Variants in GRM8 observed in about 807,000 individuals in gnomAD.
GRM8 encodes the protein glutamate metabotropic receptor 8, also known as metabotropic glutamate receptor 8.
A neutral mutation model predicts 87.2 loss-of-function variants in GRM8; 47 were observed. The ratio of observed to expected loss-of-function variants is 0.54; its 90% CI spans 0.43 to 0.69. The LOEUF is 0.69. GRM8 is among the 30% of genes least tolerant of loss of function. The pLI is 0.00. For synonymous variants in GRM8, 396 were observed against 404.5 expected, an observed-to-expected ratio of 0.98 and a Z score of 0.25; for missense variants, 1,019 against 1,139.2, an observed-to-expected ratio of 0.89 and a Z score of 1.52.
intron 6 of GRM8, among the ~76,000 whole-genome samples, chr7:126,782,242 T>A (rs755665007): frequency 4.6e-5 from 7 of 152,068 alleles, no homozygotes; most frequent in African/African-American, 7.2e-5. Context: ...TAAAAAAAAA[T>A]TTGAAACTCA....
intron 2 of GRM8, among the ~76,000 whole-genome samples, chr7:127,171,755 C>G (rs1793815473): frequency 6.6e-6 from 1 of 152,106 alleles, no homozygotes; most frequent in Non-Finnish European, 1.5e-5. Context: ...TTGCAATATT[C>G]ACTGCATTGT....
chr7:126,839,991 T>G (rs185697857), intron 6 of GRM8, among the ~76,000 whole-genome samples: 1 of 152,238 alleles, frequency 6.6e-6, no homozygotes, highest in Non-Finnish European at 1.5e-5. Context: ...CTAAGTCTGA[T>G]AAATGAAAAC....
rs550929904 is a variant in GRM8, at chr7:127,104,276, T to A, written c.727+2220A>T. Among the ~76,000 whole-genome samples the A allele has an allele frequency of 5.3e-4, 81 of 152,234 alleles. No individual in the cohort carries two copies. The Middle Eastern group carries it at 0.014, about 26-fold the overall frequency. On this transcript the variant is annotated intron_variant, in intron 3 of 10. Coordinates refer to ENST00000339582, the MANE Select transcript of GRM8 (RefSeq NM_000845.3). ...CACTCAAGCTACTGAGGTTTTTTTTTAAAAACACACTACTAACATGGTGAC... is the reference window on the plus strand; with the variant it reads ...CACTCAAGCTACTGAGGTTTTTTTTAAAAAACACACTACTAACATGGTGAC...
chr7:126,952,865 G>A (rs887717666), intron 3 of GRM8, among the ~76,000 whole-genome samples: 4 of 151,984 alleles, frequency 2.6e-5, no homozygotes, highest in African/African-American at 9.7e-5. Flanking sequence ...AACAAAATGT[G>A]ACATGGGATC....
At chr7:126,940,782 T>G (rs1806837826) in intron 3 of GRM8, among the ~76,000 whole-genome samples, 2 of 152,206 alleles carry the variant, frequency 1.3e-5, no homozygotes, top group South Asian at 4.1e-4. Flanking sequence ...GTTCCTTCTC[T>G]TCCTTTGAGG....
At chr7:126,522,555 A>C (rs1462218193) in intron 9 of GRM8, among the ~76,000 whole-genome samples, 1 of 152,202 alleles carries the variant, frequency 6.6e-6, no homozygotes, top group Admixed American at 6.5e-5. Flanking sequence ...TTTCAGTGGA[A>C]AAGGTGTGTT....
chr7:127,224,490 A>C (rs536950560), intron 2 of GRM8, among the ~76,000 whole-genome samples: 22 of 152,350 alleles, frequency 1.4e-4, no homozygotes, highest in African/African-American at 5.3e-4. Context: ...GATGAAGAAA[A>C]ACTAAGAGGA....
intron 2 of GRM8, among the ~76,000 whole-genome samples, chr7:127,174,154 C>G (rs934618106): frequency 1.3e-5 from 2 of 152,136 alleles, no homozygotes; most frequent in African/African-American, 4.8e-5. Context: ...TAATAGTTCT[C>G]AAACGTACAC....
intron 7 of GRM8, among the ~76,000 whole-genome samples, chr7:126,703,848 C>A (rs186308488): frequency 6.6e-6 from 1 of 152,300 alleles, no homozygotes; most frequent in Non-Finnish European, 1.5e-5. Flanking sequence ...AGGCTTAAGC[C>A]ACCACACCTG....
chr7:127,251,657 G>A lies in GRM8; in HGVS notation c.-312+1140C>T, dbSNP rs553154870. ...GCCCCGGGGCATTCCGGCGCGCTGGGGATGCAGCCTCCGCCCCCGCCGCAC... is the reference window on the plus strand; with the variant it reads ...GCCCCGGGGCATTCCGGCGCGCTGGAGATGCAGCCTCCGCCCCCGCCGCAC... On this transcript the variant is annotated intron_variant, in intron 1 of 10. Transcript: ENST00000339582. Among the ~76,000 whole-genome samples, 3 of 151,504 alleles carry A rather than the reference G, an allele frequency of 2.0e-5. No individual in the cohort carries two copies. The South Asian group carries it at 6.2e-4, about 31-fold the overall frequency.
intron 6 of GRM8, among the ~76,000 whole-genome samples, chr7:126,812,194 G>A (rs575039943): frequency 1.3e-5 from 2 of 152,020 alleles, no homozygotes; most frequent in East Asian, 1.9e-4. Flanking sequence ...CATTTGCATA[G>A]CATTTACATA....
At chr7:127,199,226 G>T (rs940319985) in intron 2 of GRM8, among the ~76,000 whole-genome samples, 1 of 152,164 alleles carries the variant, frequency 6.6e-6, no homozygotes, top group Non-Finnish European at 1.5e-5. Flanking sequence ...CTCCCAAAGT[G>T]CAGGTGTTAC....
intron 8 of GRM8, among the ~76,000 whole-genome samples, chr7:126,600,962 G>A (rs1425909099): frequency 1.3e-5 from 2 of 151,742 alleles, no homozygotes; most frequent in Non-Finnish European, 2.9e-5. Context: ...TTAAGTTTTA[G>A]GGTACATGTG....
intron 6 of GRM8, among the ~76,000 whole-genome samples, chr7:126,894,604 T>G (rs1801368208): frequency 6.6e-6 from 1 of 152,062 alleles, no homozygotes; most frequent in Non-Finnish European, 1.5e-5. Flanking sequence ...TCAGACCAAA[T>G]GCATCAATCT....
intron 3 of GRM8, among the ~76,000 whole-genome samples, chr7:127,059,397 C>T (rs201432341): frequency 4.1e-5 from 6 of 145,342 alleles, no homozygotes; most frequent in Non-Finnish European, 7.4e-5. Flanking sequence ...AGTGCAGTGG[C>T]GCAATCTCAG....
intron 7 of GRM8, among the ~76,000 whole-genome samples, chr7:126,636,500 A>T (rs78743471): frequency 0.041 from 6,256 of 152,202 alleles, 437 homozygotes; most frequent in African/African-American, 0.14. Flanking sequence ...GACAATAAAA[A>T]AGTCTGTACA....
intron 9 of GRM8, among the ~76,000 whole-genome samples, chr7:126,454,821 C>T (rs751326443): frequency 1.2e-4 from 18 of 151,606 alleles, no homozygotes; most frequent in Non-Finnish European, 2.7e-4. Context: ...TGGAGAGAGG[C>T]CTCAGAGGAA....
chr7:126,646,525 T>C (rs1230971938), intron 7 of GRM8, among the ~76,000 whole-genome samples: 2 of 152,166 alleles, frequency 1.3e-5, no homozygotes, highest in Non-Finnish European at 2.9e-5. Context: ...AGGCTACAAA[T>C]TGTGTCCATG....
At chr7:126,496,174 A>G (rs1047652454) in intron 9 of GRM8, among the ~76,000 whole-genome samples, 2 of 151,924 alleles carry the variant, frequency 1.3e-5, no homozygotes, top group Non-Finnish European at 2.9e-5. Flanking sequence ...TACTAAAAAC[A>G]AAAGGAATGC....
Sources: allele counts gnomAD v4.1 joint callset (sites outside exome capture counted in the v4.1 genomes callset), GRCh38; gene constraint gnomAD v4.1.1; transcripts MANE v1.5; gene names NCBI Gene and HGNC (gene_info 2026-07-23, HGNC 2026-07-21).